NNMT: variants seen among roughly 807,000 people sequenced by gnomAD.
The protein encoded by NNMT is nicotinamide N-methyltransferase.
In NNMT, 10 loss-of-function variants were observed where a neutral mutation model predicts 11.7. That is an observed-to-expected ratio of 0.85 (90% CI 0.53 to 1.45). The LOEUF is 1.45. NNMT is among the 40% of genes most tolerant of loss of function. The pLI is 0.00. For missense variants in NNMT, 381 were observed against 319.4 expected, an observed-to-expected ratio of 1.19 and a Z score of -1.47; for synonymous variants, 143 against 133.8, an observed-to-expected ratio of 1.07 and a Z score of -0.48.
In NNMT at chr11:114,312,311, A is replaced by C. The variant is rs888419648; in HGVS notation, c.629A>C (p.Lys210Thr). ...AGCTACTACATGATTGGTGAGCAGA[A>C]GTTCTCCAGCCTCCCCCTGGGCCGG... is the stretch of plus-strand genomic sequence containing the variant. ...KSSYYMIGEQ[K>T]FSSLPLGREA... Residue 210 changes from lysine to threonine, a missense_variant, in exon 3 of 3, where the codon AAG (lysine) becomes ACG (threonine). Physicochemically the swap from Lys to Thr is moderately conservative, Grantham distance 78. Transcript: ENST00000299964. The C allele has an allele frequency of 1.9e-6, 3 of 1,614,212 alleles. No homozygotes were observed. Among genetic ancestry groups the C allele is most frequent in the Non-Finnish European group, 2.5e-6 (3 of 1,180,028 alleles).
intron 2 of NNMT, among the ~76,000 whole-genome samples, chr11:114,268,768 C>CAAAAAAAAAA (rs34012236): frequency 1.4e-5 from 1 of 69,614 alleles, no homozygotes. Context: ...GACTCCGTCT[C>CAAAAAAAAAA]AAAAAAAAAA....
intron 2 of NNMT, among the ~76,000 whole-genome samples, chr11:114,273,335 A>G (rs1230985394): frequency 6.6e-6 from 1 of 152,192 alleles, no homozygotes; most frequent in East Asian, 1.9e-4. Context: ...TAACAGATTC[A>G]GCTTGTTTTC....
chr11:114,311,502 G>T (rs1945548960), intron 2 of NNMT, among the ~76,000 whole-genome samples: 1 of 152,184 alleles, frequency 6.6e-6, no homozygotes, highest in African/African-American at 2.4e-5. Context: ...GGAGTGCCCT[G>T]TTCACAGCTG....
intron 2 of NNMT, among the ~76,000 whole-genome samples, chr11:114,303,496 C>T (rs555563662): frequency 6.6e-6 from 1 of 152,088 alleles, no homozygotes; most frequent in Non-Finnish European, 1.5e-5. Flanking sequence ...ATTTGGTGCT[C>T]ATTTTATACA....
chr11:114,291,645 A>G (rs1945336025), upstream of NNMT, among the ~76,000 whole-genome samples: 1 of 152,040 alleles, frequency 6.6e-6, no homozygotes, highest in African/African-American at 2.4e-5. Context: ...TGGGTTCCTC[A>G]GGTGTCCAGC....
At chr11:114,306,921 C>T (rs1945497500) in intron 2 of NNMT, among the ~76,000 whole-genome samples, 1 of 152,204 alleles carries the variant, frequency 6.6e-6, no homozygotes, top group South Asian at 2.1e-4. Context: ...CAAAAATAGA[C>T]ACAGTTGTGC....
At chr11:114,266,701 T>A (rs77779033) in intron 2 of NNMT, among the ~76,000 whole-genome samples, 3,736 of 152,332 alleles carry the variant, frequency 0.025, 128 homozygotes, top group African/African-American at 0.081. Context: ...CTCTGCCCTC[T>A]TGAATGGATT....
chr11:114,263,091 C>A (rs944920461), intron 2 of NNMT, among the ~76,000 whole-genome samples: 1 of 152,280 alleles, frequency 6.6e-6, no homozygotes, highest in South Asian at 2.1e-4. Flanking sequence ...TCACCCCCAT[C>A]CCAAGCATGG....
intron 2 of NNMT, among the ~76,000 whole-genome samples, chr11:114,266,454 C>A (rs995078531): frequency 6.6e-6 from 1 of 152,278 alleles, no homozygotes; most frequent in Admixed American, 6.5e-5. Flanking sequence ...CTATACCCAG[C>A]CTCACTGTGA....
intron 2 of NNMT, among the ~76,000 whole-genome samples, chr11:114,289,498 A>C (rs1419086168): frequency 6.6e-6 from 1 of 152,156 alleles, no homozygotes; most frequent in Admixed American, 6.5e-5. Context: ...TGAGGACTAG[A>C]GTTCCCTTTA....
intron 1 of NNMT, among the ~76,000 whole-genome samples, chr11:114,261,267 T>C (rs948576734): frequency 4.6e-5 from 7 of 152,288 alleles, no homozygotes; most frequent in Middle Eastern, 3.4e-3. Context: ...GGAAAGCAAC[T>C]GGGGTTGCAC....
In NNMT at chr11:114,258,379, C is replaced by T. The variant is rs181621441; in HGVS notation, c.-217+501C>T. 3.4e-3 allele frequency among the ~76,000 whole-genome samples: 513 copies of T among 152,352 alleles called. 1 individual carries two copies. Among genetic ancestry groups the T allele is most frequent in the Non-Finnish European group, 5.9e-3 (401 of 68,038 alleles). On this transcript the variant is annotated intron_variant, in intron 1 of 4. Transcript: ENST00000535401. ...CTGACCAAAGTGGAGAGCTGAGGCC[C>T]GGCGCCAGCAGAGGTTTGCTGAAGA...
At chr11:114,295,348 G>A (rs1219304450), upstream of NNMT, among the ~76,000 whole-genome samples, 2 of 152,050 alleles carry the variant, frequency 1.3e-5, no homozygotes, top group African/African-American at 2.4e-5. Flanking sequence ...CTTTAGCGGG[G>A]AGTGAGCTGA....
At chr11:114,270,669 T>C (rs1945162441) in intron 2 of NNMT, among the ~76,000 whole-genome samples, 1 of 152,230 alleles carries the variant, frequency 6.6e-6, no homozygotes, top group South Asian at 2.1e-4. Context: ...ACCTTCTCAC[T>C]GTGTCCTCCT....
At position 114,298,010 on chromosome 11, in the gene NNMT, C is replaced by T. The variant is rs1179336534; in HGVS notation, c.214C>T (p.Leu72Phe). 5.0e-6 allele frequency: 8 copies of T among 1,613,998 alleles called. No homozygotes were observed. The highest frequency in any genetic ancestry group is 1.7e-4 in the Middle Eastern group (1 of 5,916). ...CTCTGGCCCCACTATCTATCAGCTC[C>T]TCTCTGCTTGTGAATCCTTTAAGGA... Reference protein sequence around the residue: ...IGSGPTIYQLLSACESFKEIV... With the variant: ...IGSGPTIYQLFSACESFKEIV... The change falls in exon 2 of 3, where the codon CTC (leucine) becomes TTC (phenylalanine). Residue 72 changes from leucine (L) to phenylalanine (F), a missense_variant. Coordinates refer to ENST00000299964, the MANE Select transcript of NNMT (RefSeq NM_006169.3).
chr11:114,293,891 C>A (rs1199701223), upstream of NNMT, among the ~76,000 whole-genome samples: 2 of 152,040 alleles, frequency 1.3e-5, no homozygotes, highest in Non-Finnish European at 2.9e-5. Flanking sequence ...CTCTAAGTGT[C>A]CATTAGCAGA....
At chr11:114,264,361 A>G (rs1459605526) in intron 2 of NNMT, among the ~76,000 whole-genome samples, 1 of 152,030 alleles carries the variant, frequency 6.6e-6, no homozygotes, top group African/African-American at 2.4e-5. Flanking sequence ...TTCCTTTAAA[A>G]TTGTCTTTTC....
intron 2 of NNMT, among the ~76,000 whole-genome samples, chr11:114,291,141 A>C (rs1002051022): frequency 6.6e-6 from 1 of 152,224 alleles, no homozygotes; most frequent in Non-Finnish European, 1.5e-5. Context: ...CAGTACTTGC[A>C]CAAATAAGTG....
chr11:114,312,196 G>C lies in NNMT; in HGVS notation c.514G>C (p.Asp172His), dbSNP rs779544838. The C allele has an allele frequency of 6.2e-7, 1 of 1,614,226 alleles. No individual in the cohort carries two copies. Among genetic ancestry groups the C allele is most frequent in the African/African-American group, 1.3e-5 (1 of 75,064 alleles). The change falls in exon 3 of 3, where the codon GAC becomes CAC. Residue 172 changes from aspartate (D) to histidine (H), a missense_variant. Asp to His is a moderately conservative substitution (Grantham distance 81). Coordinates refer to ENST00000299964, the MANE Select transcript of NNMT (RefSeq NM_006169.3). ...STLCLDAACP[D>H]LPTYCRALRN... ...ACTGTGTCTGGATGCCGCCTGCCCA[G>C]ACCTCCCCACCTACTGCAGGGCGCT...
Sources: allele counts gnomAD v4.1 joint callset (sites outside exome capture counted in the v4.1 genomes callset), GRCh38; gene constraint gnomAD v4.1.1; transcripts MANE v1.5; gene names NCBI Gene and HGNC (gene_info 2026-07-23, HGNC 2026-07-21).